Variants in GALNT17 observed in about 807,000 individuals in gnomAD.
GALNT17 encodes UDP-GalNAc:polypeptide N-acetylgalactosaminyltransferase-like 3.
Under a neutral mutation model 63.7 loss-of-function variants are expected in GALNT17, and 29 were observed. The observed-to-expected ratio is 0.46, with a 90% CI of 0.34 to 0.62. GALNT17 has a LOEUF of 0.62. GALNT17 is among the 20% of genes least tolerant of loss of function. The pLI is 0.01. For synonymous variants in GALNT17, 305 were observed against 318.3 expected (o/e 0.96, Z 0.45); for missense variants, 603 against 799.6 (o/e 0.75, Z 2.97).
At chr7:71,342,151 G>A (rs1792016504) in intron 2 of GALNT17, among the ~76,000 whole-genome samples, 1 of 152,028 alleles carries the variant, frequency 6.6e-6, no homozygotes, top group South Asian at 2.1e-4. Flanking sequence ...AAGTTTAATT[G>A]GCTCACTTTT....
chr7:71,662,538 C>T (rs1584120324), intron 6 of GALNT17, among the ~76,000 whole-genome samples: 1 of 152,262 alleles, frequency 6.6e-6, no homozygotes, highest in South Asian at 2.1e-4. Flanking sequence ...CATTAGCAGT[C>T]ACTCTACCTT....
chr7:71,572,758 T>C (rs1243313496), intron 6 of GALNT17, among the ~76,000 whole-genome samples: 1 of 152,082 alleles, frequency 6.6e-6, no homozygotes, highest in Non-Finnish European at 1.5e-5. Context: ...CCAGAAATGA[T>C]TCATTTTGCT....
At chr7:71,564,285 T>TC (rs1462223003) in intron 5 of GALNT17, among the ~76,000 whole-genome samples, 1 of 30,710 alleles carries the variant, frequency 3.3e-5, no homozygotes, top group Non-Finnish European at 6.5e-5. Flanking sequence ...TTTCTTTTTT[T>TC]TTTTTTTTTT....
intron 9 of GALNT17, among the ~76,000 whole-genome samples, chr7:71,701,921 A>ATG (rs201754183): frequency 7.5e-5 from 10 of 133,290 alleles, no homozygotes; most frequent in African/African-American, 2.9e-4. Context: ...ACATATATAT[A>ATG]TGTATATATA....
At chr7:71,161,246 A>G (rs929192135) in intron 1 of GALNT17, among the ~76,000 whole-genome samples, 2 of 152,186 alleles carry the variant, frequency 1.3e-5, no homozygotes, top group African/African-American at 4.8e-5. Context: ...TTATAATTTA[A>G]AAACCTTGTT....
chr7:71,472,888 T>C (rs1215684229), intron 5 of GALNT17, among the ~76,000 whole-genome samples: 1 of 151,672 alleles, frequency 6.6e-6, no homozygotes, highest in Non-Finnish European at 1.5e-5. Flanking sequence ...TTGAAAGAGG[T>C]TTCTTCTGAG....
chr7:71,410,249 T>C (rs888202659), intron 3 of GALNT17, among the ~76,000 whole-genome samples: 2 of 96,846 alleles, frequency 2.1e-5, no homozygotes, highest in Non-Finnish European at 4.0e-5. Flanking sequence ...TCTTTCCTGA[T>C]TTTTTTTTTT....
At chr7:71,685,677 G>A (rs185351490) in intron 9 of GALNT17, 1 of 152,238 alleles carries the variant, frequency 6.6e-6, no homozygotes, top group Non-Finnish European at 1.5e-5. Flanking sequence ...CGTCTAGCCA[G>A]CCAGATCAGC....
At chr7:71,271,021 A>G (rs568276952) in intron 1 of GALNT17, among the ~76,000 whole-genome samples, 2 of 152,154 alleles carry the variant, frequency 1.3e-5, no homozygotes, top group African/African-American at 2.4e-5. Context: ...CTTTAAACAC[A>G]TCTTCCATTT....
intron 1 of GALNT17, among the ~76,000 whole-genome samples, chr7:71,273,503 T>G (rs972757471): frequency 8.5e-5 from 13 of 152,196 alleles, no homozygotes; most frequent in African/African-American, 2.7e-4. Flanking sequence ...GTCTGGAGAT[T>G]TGAGTTGTTC....
chr7:71,348,307 A>T (rs1201152160), intron 2 of GALNT17, among the ~76,000 whole-genome samples: 1 of 152,184 alleles, frequency 6.6e-6, no homozygotes, highest in Non-Finnish European at 1.5e-5. Context: ...ACTGTGTAAG[A>T]AAGAATTCCC....
intron 5 of GALNT17, among the ~76,000 whole-genome samples, chr7:71,559,290 T>C (rs1270904890): frequency 6.6e-6 from 1 of 152,218 alleles, no homozygotes; most frequent in Admixed American, 6.5e-5. Flanking sequence ...ATTATATTTT[T>C]AGTGTTTAGC....
At chr7:71,302,527 G>T (rs1791218856) in intron 1 of GALNT17, among the ~76,000 whole-genome samples, 1 of 151,622 alleles carries the variant, frequency 6.6e-6, no homozygotes, top group African/African-American at 2.4e-5. Flanking sequence ...ACATGTGCAG[G>T]GCCATGTGCA....
At chr7:71,181,049 G>A (rs1226767335) in intron 1 of GALNT17, among the ~76,000 whole-genome samples, 4 of 152,138 alleles carry the variant, frequency 2.6e-5, no homozygotes, top group African/African-American at 4.8e-5. Context: ...GAGGCCAGGA[G>A]TTCGAGACCA....
At position 71,648,717 on chromosome 7, in the gene GALNT17, A is replaced by T. The variant is rs112000947; in HGVS notation, c.1081-16694A>T. 4.8e-3 allele frequency among the ~76,000 whole-genome samples: 732 copies of T among 152,318 alleles called. 7 individuals carry two copies. Among genetic ancestry groups the T allele is most frequent in the African/African-American group, 0.016 (674 of 41,580 alleles). On this transcript the variant is annotated intron_variant, in intron 6 of 10. Transcript: ENST00000333538. Reference sequence around the variant, plus strand: ...CTCCCAAAACACTGGGATTACAGGCATAAGCCACCAAGCCTGGCCCTCAGC... The same window carrying T: ...CTCCCAAAACACTGGGATTACAGGCTTAAGCCACCAAGCCTGGCCCTCAGC...
At chr7:71,406,472 C>T (rs986979414) in intron 3 of GALNT17, among the ~76,000 whole-genome samples, 1 of 152,026 alleles carries the variant, frequency 6.6e-6, no homozygotes, top group African/African-American at 2.4e-5. Context: ...TTTCAGGTCC[C>T]ACAAAACCCA....
At chr7:71,269,444 G>A (rs1356248966) in intron 1 of GALNT17, among the ~76,000 whole-genome samples, 1 of 152,140 alleles carries the variant, frequency 6.6e-6, no homozygotes, top group African/African-American at 2.4e-5. Context: ...TTCAGGTTGG[G>A]CAACAGAGCA....
chr7:71,496,895 G>A (rs1281378712), intron 5 of GALNT17, among the ~76,000 whole-genome samples: 1 of 151,372 alleles, frequency 6.6e-6, no homozygotes, highest in African/African-American at 2.4e-5. Flanking sequence ...GCAAAGTAGC[G>A]AGACCATGTC....
At chr7:71,682,030 G>A (rs1216491998) in intron 9 of GALNT17, among the ~76,000 whole-genome samples, 2 of 152,054 alleles carry the variant, frequency 1.3e-5, no homozygotes. Flanking sequence ...GGGTTCAGGC[G>A]ATTCTCCTGC....
Sources: allele counts gnomAD v4.1 joint callset (sites outside exome capture counted in the v4.1 genomes callset), GRCh38; gene constraint gnomAD v4.1.1; transcripts MANE v1.5; gene names NCBI Gene and HGNC (gene_info 2026-07-23, HGNC 2026-07-21).